The following CAPZA1 variants were observed in gnomAD, a reference collection of about 807,000 sequenced individuals.
CAPZA1 encodes the protein F-actin-capping protein subunit alpha-1.
Under a neutral mutation model 40.8 loss-of-function variants are expected in CAPZA1, and 10 were observed. That is an observed-to-expected ratio of 0.25 (90% CI 0.15 to 0.42). CAPZA1 has a LOEUF of 0.42. Ranked by LOEUF, CAPZA1 falls within the 10% of genes least tolerant of loss-of-function variation. The pLI, the probability that CAPZA1 is intolerant of heterozygous loss-of-function variation, is 1.00. For missense variants in CAPZA1, 277 were observed against 353.8 expected (o/e 0.78, Z 1.74); for synonymous variants, 98 against 115.0 (o/e 0.85, Z 0.95).
chr1:112,649,272 T>C (rs1557733524), intron 2 of CAPZA1, 146 bp from the exon 3 acceptor site: 15 of 621,930 alleles, frequency 2.4e-5, no homozygotes, highest in Non-Finnish European at 4.3e-5. Context: ...TAGCATCTTT[T>C]TATTTGCATG....
At chr1:112,665,418 G>A (rs1410785405) in intron 7 of CAPZA1, among the ~76,000 whole-genome samples, 1 of 151,966 alleles carries the variant, frequency 6.6e-6, no homozygotes, top group South Asian at 2.1e-4. Context: ...GACCTCAAGT[G>A]ATCCGCCCGC....
At chr1:112,662,590 G>T (rs1025083878) in intron 7 of CAPZA1, among the ~76,000 whole-genome samples, 7 of 151,688 alleles carry the variant, frequency 4.6e-5, no homozygotes, top group Non-Finnish European at 1.0e-4. Context: ...AGTAGAGACA[G>T]GGTTTCACTG....
chr1:112,624,605 CAAAAAAAAAAAAA>C (rs34860716), intron 1 of CAPZA1, among the ~76,000 whole-genome samples: 5 of 55,828 alleles, frequency 9.0e-5, no homozygotes, highest in African/African-American at 2.5e-4. Context: ...AAAACTCCAT[CAAAAAAAAAAAAA>C]AAAAAAAAAA....
chr1:112,664,183 C>T (rs1278907146), intron 7 of CAPZA1, among the ~76,000 whole-genome samples: 1 of 144,914 alleles, frequency 6.9e-6, no homozygotes, highest in African/African-American at 2.6e-5. Flanking sequence ...AGTGAGCCGA[C>T]ATCAGCCACT....
chr1:112,652,743 G>T (rs572082946), intron 3 of CAPZA1, among the ~76,000 whole-genome samples: 161 of 151,246 alleles, frequency 1.1e-3, no homozygotes, highest in African/African-American at 3.6e-3. Flanking sequence ...TGGGAATTCT[G>T]TGAGAAGACT....
At chr1:112,634,091 G>A (rs930166590) in intron 1 of CAPZA1, among the ~76,000 whole-genome samples, 7 of 152,042 alleles carry the variant, frequency 4.6e-5, no homozygotes, top group Admixed American at 2.6e-4. Context: ...TTAGTTTGAT[G>A]CAACATCCGA....
intron 4 of CAPZA1, 39 bp from the exon 5 acceptor site, chr1:112,654,426 T>C (rs371702190): frequency 3.9e-5 from 54 of 1,389,778 alleles, no homozygotes; most frequent in East Asian, 3.7e-4. Context: ...AGAATTGTCT[T>C]TTTTACAGTT....
At chr1:112,666,023 G>A (rs1234432598) in intron 7 of CAPZA1, among the ~76,000 whole-genome samples, 1 of 151,830 alleles carries the variant, frequency 6.6e-6, no homozygotes, top group Non-Finnish European at 1.5e-5. Context: ...TTTTCCCTAA[G>A]ATGGGGATCT....
intron 6 of CAPZA1, 85 bp downstream of exon 6, chr1:112,659,186 A>C: frequency 1.2e-6 from 1 of 864,080 alleles, no homozygotes; most frequent in East Asian, 2.4e-5. Flanking sequence ...GCTTGGAATA[A>C]TTATTTAACT....
At chr1:112,657,207 C>T (rs1671515767) in intron 5 of CAPZA1, among the ~76,000 whole-genome samples, 1 of 151,970 alleles carries the variant, frequency 6.6e-6, no homozygotes, top group Non-Finnish European at 1.5e-5. Context: ...TCTAATTTTT[C>T]TCTGTGTGTG....
chr1:112,627,320 T>C (rs112772660), intron 1 of CAPZA1, among the ~76,000 whole-genome samples: 4,841 of 152,192 alleles, frequency 0.032, 136 homozygotes, highest in African/African-American at 0.072. Flanking sequence ...CACTGAAACA[T>C]TGGTGTTCTG....
At chr1:112,621,831 C>T (rs959133058) in intron 1 of CAPZA1, among the ~76,000 whole-genome samples, 4 of 147,150 alleles carry the variant, frequency 2.7e-5, no homozygotes, top group Admixed American at 6.8e-5. Flanking sequence ...GTGCGATCTC[C>T]GCTCGCTGCA....
rs1390709091 is a variant in CAPZA1 at position 112,670,534 on chromosome 1, C to G, written c.*402C>G. The G allele has an allele frequency of 5.0e-5, 8 of 159,838 alleles. No individual in the cohort carries two copies. The highest frequency in any genetic ancestry group is 9.6e-5 in the Non-Finnish European group (7 of 73,008). The allele number at this position is 159,838 out of a possible 1,614,324, so 9.9% of individuals were successfully genotyped here. ...TGTACCCCTATCCTTCCAAGCACTT[C>G]TGGTACTTCAGTCGTTTTTACTGAT... On this transcript the variant is annotated 3_prime_UTR_variant, in exon 10 of 10. Coordinates refer to ENST00000263168, the MANE Select transcript of CAPZA1 (RefSeq NM_006135.3).
chr1:112,633,842 T>C (rs1670967740), intron 1 of CAPZA1, among the ~76,000 whole-genome samples: 1 of 152,208 alleles, frequency 6.6e-6, no homozygotes, highest in East Asian at 1.9e-4. Flanking sequence ...TGATTAGAGA[T>C]GTTGAGCATT....
intron 3 of CAPZA1, among the ~76,000 whole-genome samples, chr1:112,650,758 A>T (rs1671370909): frequency 6.6e-6 from 1 of 152,236 alleles, no homozygotes; most frequent in Non-Finnish European, 1.5e-5. Flanking sequence ...CCTAAGTGTC[A>T]TTGCAACCTA....
chr1:112,633,663 T>G (rs1016177195), intron 1 of CAPZA1, among the ~76,000 whole-genome samples: 1 of 152,200 alleles, frequency 6.6e-6, no homozygotes, highest in South Asian at 2.1e-4. Flanking sequence ...GGAATTTCCA[T>G]GCTGTTAGTA....
At chr1:112,660,910 T>G (rs1671594740) in intron 7 of CAPZA1, among the ~76,000 whole-genome samples, 1 of 132,522 alleles carries the variant, frequency 7.5e-6, no homozygotes, top group Admixed American at 9.1e-5. Context: ...CAGCCTGGAG[T>G]GCAGTGGTGC....
At chr1:112,642,847 T>C (rs1671200056) in intron 1 of CAPZA1, among the ~76,000 whole-genome samples, 1 of 152,210 alleles carries the variant, frequency 6.6e-6, no homozygotes, top group African/African-American at 2.4e-5. Flanking sequence ...ATTTTCAGTT[T>C]GGTAATTTTA....
intron 9 of CAPZA1, 84 bp downstream of exon 9, chr1:112,669,689 T>C: frequency 1.0e-6 from 1 of 992,300 alleles, no homozygotes; most frequent in Non-Finnish European, 1.6e-6. Flanking sequence ...TTGTGTCCTT[T>C]AATGTAAATA....
Sources: gnomAD v4.1 joint callset for allele counts (sites outside exome capture counted in the v4.1 genomes callset) on GRCh38, gnomAD v4.1.1 for gene constraint, MANE v1.5 for transcripts, NCBI Gene and HGNC (gene_info 2026-07-23, HGNC 2026-07-21) for gene names.